CSMD1: variants seen among roughly 807,000 people sequenced by gnomAD.
CSMD1 encodes CUB and Sushi multiple domains 1.
Under a neutral mutation model 417.5 loss-of-function variants are expected in CSMD1, and 213 were observed. The observed-to-expected ratio is 0.51, with a 90% CI of 0.46 to 0.57. CSMD1 has a LOEUF of 0.57. Among genes scored for constraint, CSMD1 ranks in the 20% least tolerant of loss-of-function variants. The pLI is 0.00. For missense variants in CSMD1, 6,923 were observed against 4,529.7 expected, an observed-to-expected ratio of 1.53 and a Z score of -15.17; for synonymous variants, 2,862 against 1,736.8, an observed-to-expected ratio of 1.65 and a Z score of -16.11.
intron 3 of CSMD1, among the ~76,000 whole-genome samples, chr8:4,250,818 G>C (rs1467534936): frequency 1.3e-5 from 2 of 152,180 alleles, no homozygotes; most frequent in Non-Finnish European, 2.9e-5. Context: ...AATTGTACTG[G>C]TTGAAATGTT....
intron 3 of CSMD1, among the ~76,000 whole-genome samples, chr8:4,337,049 C>A (rs1220653916): frequency 6.6e-6 from 1 of 152,108 alleles, no homozygotes; most frequent in Non-Finnish European, 1.5e-5. Flanking sequence ...TTTGCCCACA[C>A]ATTGCATTCT....
rs11393514 is a variant in CSMD1, at chr8:4,104,992, T to TAA, written c.416-72895_416-72894dup. On this transcript the variant is annotated intron_variant, in intron 3 of 69. Transcript: ENST00000635120. ...CGATCATAATAGAACAGTTTCACATTAAAAAAAAAGCAATTCAATTAAAAA... is the reference window on the plus strand; with the variant it reads ...CGATCATAATAGAACAGTTTCACATTAAAAAAAAAAAGCAATTCAATTAAAAA... 2.0e-3 allele frequency among the ~76,000 whole-genome samples: 297 copies of TAA among 150,818 alleles called. 1 individual carries two copies. Among genetic ancestry groups the TAA allele is most frequent in the African/African-American group, 5.0e-3 (204 of 41,142 alleles).
chr8:3,728,444 G>A (rs1445104874), intron 6 of CSMD1, among the ~76,000 whole-genome samples: 1 of 152,204 alleles, frequency 6.6e-6, no homozygotes, highest in Non-Finnish European at 1.5e-5. Context: ...ACGTTGTGAA[G>A]ATGGTAAATT....
chr8:4,407,196 A>C (rs972426622), intron 3 of CSMD1, among the ~76,000 whole-genome samples: 1 of 152,226 alleles, frequency 6.6e-6, no homozygotes, highest in African/African-American at 2.4e-5. Context: ...AGTCCTCTTT[A>C]GAGTGATCAC....
chr8:4,437,755 G>GGT (rs1798228712), intron 2 of CSMD1, among the ~76,000 whole-genome samples: 1 of 152,050 alleles, frequency 6.6e-6, no homozygotes, highest in Non-Finnish European at 1.5e-5. Flanking sequence ...CCATGTTTGT[G>GGT]GTGTGAAGAC....
intron 5 of CSMD1, among the ~76,000 whole-genome samples, chr8:3,860,167 G>T (rs1425236153): frequency 6.6e-6 from 1 of 152,092 alleles, no homozygotes; most frequent in African/African-American, 2.4e-5. Context: ...ATTTGATAGA[G>T]CAGGCAGTAG....
intron 5 of CSMD1, among the ~76,000 whole-genome samples, chr8:3,858,852 T>C (rs543538533): frequency 6.6e-6 from 1 of 152,296 alleles, no homozygotes; most frequent in Admixed American, 6.5e-5. Context: ...TTTGTTTCTG[T>C]AGAATGCTCC....
chr8:3,926,038 CACACAAACACCATAT>C (rs1809649167), intron 5 of CSMD1, among the ~76,000 whole-genome samples: 1 of 110,328 alleles, frequency 9.1e-6, no homozygotes, highest in Non-Finnish European at 2.0e-5. Context: ...CACACACACA[CACACAAACACCATAT>C]ACACACACAC....
At chr8:3,177,447 C>A (rs1585563898) in intron 37 of CSMD1, among the ~76,000 whole-genome samples, 1 of 152,296 alleles carries the variant, frequency 6.6e-6, no homozygotes, top group East Asian at 1.9e-4. Flanking sequence ...TGCAGCAAAA[C>A]CTGTCATTTC....
intron 1 of CSMD1, among the ~76,000 whole-genome samples, chr8:4,737,105 C>T (rs867652419): frequency 6.6e-6 from 1 of 152,070 alleles, no homozygotes; most frequent in African/African-American, 2.4e-5. Context: ...CAATGATAGA[C>T]TGAATAAAGA....
At chr8:4,970,711 C>T (rs932183274) in intron 1 of CSMD1, among the ~76,000 whole-genome samples, 2 of 151,988 alleles carry the variant, frequency 1.3e-5, no homozygotes, top group African/African-American at 4.8e-5. Flanking sequence ...TAACTCAGGA[C>T]GTGGATTCTG....
intron 49 of CSMD1, among the ~76,000 whole-genome samples, chr8:3,084,136 A>G (rs1157058896): frequency 6.6e-6 from 1 of 152,182 alleles, no homozygotes; most frequent in Non-Finnish European, 1.5e-5. Flanking sequence ...CAATTTGCCA[A>G]AGAAAAGCAG....
intron 2 of CSMD1, among the ~76,000 whole-genome samples, chr8:4,576,824 CA>C (rs1324043812): frequency 1.0e-5 from 1 of 98,320 alleles, no homozygotes; most frequent in Non-Finnish European, 2.3e-5. Context: ...ATACTTAAAA[CA>C]AACTATTTTA....
At chr8:3,236,027 C>A (rs1799134814) in intron 26 of CSMD1, among the ~76,000 whole-genome samples, 1 of 150,042 alleles carries the variant, frequency 6.7e-6, no homozygotes, top group African/African-American at 2.5e-5. Context: ...ACGCCATTCT[C>A]CTTCCTCAGT....
chr8:3,230,906 A>G (rs554780170), intron 26 of CSMD1, among the ~76,000 whole-genome samples: 3 of 152,336 alleles, frequency 2.0e-5, no homozygotes, highest in Admixed American at 1.3e-4. Context: ...TCTGCTGAGT[A>G]GAGGCCAGAC....
chr8:3,379,213 G>C (rs1031777652), intron 18 of CSMD1, among the ~76,000 whole-genome samples: 1 of 152,136 alleles, frequency 6.6e-6, no homozygotes, highest in Non-Finnish European at 1.5e-5. Flanking sequence ...TCTCTTCAAG[G>C]AGAACTACAA....
chr8:3,823,123 C>T (rs938401222), intron 5 of CSMD1, among the ~76,000 whole-genome samples: 17 of 152,142 alleles, frequency 1.1e-4, no homozygotes, highest in African/African-American at 4.1e-4. Context: ...AAATGATTCT[C>T]ATCCCAAAGG....
intron 10 of CSMD1, among the ~76,000 whole-genome samples, chr8:3,556,689 G>C (rs1799170140): frequency 6.6e-6 from 1 of 151,826 alleles, no homozygotes; most frequent in South Asian, 2.1e-4. Context: ...TCTACTGTAA[G>C]CACCTTTAAA....
intron 3 of CSMD1, among the ~76,000 whole-genome samples, chr8:4,299,101 A>G (rs74905238): frequency 0.02 from 3,081 of 152,266 alleles, 108 homozygotes; most frequent in African/African-American, 0.071. Flanking sequence ...GGAGGGAAGA[A>G]GGTGATAGAA....
Sources: gnomAD v4.1 joint callset for allele counts (sites outside exome capture counted in the v4.1 genomes callset) on GRCh38, gnomAD v4.1.1 for gene constraint, MANE v1.5 for transcripts, NCBI Gene and HGNC (gene_info 2026-07-23, HGNC 2026-07-21) for gene names.